The following ATP8A2 variants were observed in gnomAD, a reference collection of about 807,000 sequenced individuals.
ATP8A2 encodes phospholipid-transporting ATPase IB.
ATP8A2 carries 100 observed loss-of-function variants against 165.6 expected under a neutral mutation model. That is an observed-to-expected ratio of 0.60 (90% CI 0.51 to 0.71). ATP8A2 has a LOEUF of 0.71. ATP8A2 is among the 30% of genes least tolerant of loss of function. The pLI, the probability that ATP8A2 is intolerant of heterozygous loss-of-function variation, is 0.00. For missense variants in ATP8A2, 1,227 were observed against 1,479.5 expected, an observed-to-expected ratio of 0.83 and a Z score of 2.80; for synonymous variants, 543 against 548.8, an observed-to-expected ratio of 0.99 and a Z score of 0.15.
chr13:25,779,189 A>G (rs548120186), intron 27 of ATP8A2, among the ~76,000 whole-genome samples: 1 of 152,296 alleles, frequency 6.6e-6, no homozygotes, highest in South Asian at 2.1e-4. Flanking sequence ...ACAAAAATGT[A>G]TAAGGACAGA....
At chr13:25,399,684 G>A (rs921566112) in intron 1 of ATP8A2, among the ~76,000 whole-genome samples, 1 of 151,166 alleles carries the variant, frequency 6.6e-6, no homozygotes, top group Non-Finnish European at 1.5e-5. Flanking sequence ...TTACAGGCGT[G>A]AGCCACCGCG....
chr13:25,982,139 T>C (rs537589178), intron 35 of ATP8A2, among the ~76,000 whole-genome samples: 93 of 152,320 alleles, frequency 6.1e-4, no homozygotes, highest in African/African-American at 2.2e-3. Flanking sequence ...TGCCCAGACC[T>C]TTTGCCCTTC....
intron 27 of ATP8A2, among the ~76,000 whole-genome samples, chr13:25,806,183 G>C (rs751483223): frequency 6.6e-6 from 1 of 152,114 alleles, no homozygotes; most frequent in Non-Finnish European, 1.5e-5. Context: ...CGGGAGAACA[G>C]CTCTCAAATC....
chr13:25,672,349 C>A (rs2042284198), intron 24 of ATP8A2, among the ~76,000 whole-genome samples: 1 of 152,202 alleles, frequency 6.6e-6, no homozygotes, highest in Non-Finnish European at 1.5e-5. Flanking sequence ...TTTTTTCAGA[C>A]TGTGGCATCA....
chr13:25,657,052 C>CAAAAAAA lies in ATP8A2; in HGVS notation c.2212-42098_2212-42092dup, dbSNP rs57955107. ...TGGGTGACAGATCGAGACTCTGTCT[C>CAAAAAAA]AAAAAAAAAAAAAAAAAAAAAAAAA... On this transcript the variant is annotated intron_variant, in intron 24 of 36. Transcript: ENST00000381655. Among the ~76,000 whole-genome samples the CAAAAAAA allele has an allele frequency of 4.4e-5, 3 of 67,730 alleles. No individual in the cohort carries two copies. The East Asian group carries it at 1.6e-3, about 36-fold the overall frequency. 44.4% of individuals were successfully genotyped at this position (67,730 alleles called of 152,430 possible).
intron 24 of ATP8A2, among the ~76,000 whole-genome samples, chr13:25,657,052 C>CAAAAA (rs57955107): frequency 7.4e-5 from 5 of 67,730 alleles, no homozygotes; most frequent in East Asian, 1.1e-3. Context: ...GACTCTGTCT[C>CAAAAA]AAAAAAAAAA....
intron 27 of ATP8A2, among the ~76,000 whole-genome samples, chr13:25,789,796 G>A (rs747454671): frequency 3.3e-5 from 5 of 152,180 alleles, no homozygotes; most frequent in Non-Finnish European, 7.4e-5. Flanking sequence ...AAAGAGCGAA[G>A]CTGGATGCAT....
At chr13:25,871,076 T>C (rs1200201276) in intron 33 of ATP8A2, 2 of 236,284 alleles carry the variant, frequency 8.5e-6, no homozygotes, top group Non-Finnish European at 1.7e-5. Context: ...GGATGCTGTG[T>C]GTTAATTAGA....
intron 33 of ATP8A2, among the ~76,000 whole-genome samples, chr13:25,939,936 C>A (rs1310124642): frequency 6.6e-6 from 1 of 152,190 alleles, no homozygotes; most frequent in Non-Finnish European, 1.5e-5. Context: ...CCTTAACTCC[C>A]CTGCCCTTCT....
intron 2 of ATP8A2, among the ~76,000 whole-genome samples, chr13:25,474,291 G>A (rs2035930768): frequency 6.6e-6 from 1 of 152,250 alleles, no homozygotes; most frequent in South Asian, 2.1e-4. Flanking sequence ...GCCAGGCGCA[G>A]TGGCTCGCGC....
At chr13:25,794,466 A>G (rs1415498900) in intron 27 of ATP8A2, among the ~76,000 whole-genome samples, 1 of 152,172 alleles carries the variant, frequency 6.6e-6, no homozygotes, top group Non-Finnish European at 1.5e-5. Flanking sequence ...CACTTATTTG[A>G]CATTCTGAAA....
chr13:25,526,874 C>T (rs1437253943), intron 2 of ATP8A2, among the ~76,000 whole-genome samples: 2 of 152,184 alleles, frequency 1.3e-5, no homozygotes, highest in South Asian at 2.1e-4. Flanking sequence ...TGCCAGGGAA[C>T]TCAAGATGAT....
chr13:25,668,691 G>A (rs1332220840), intron 24 of ATP8A2, among the ~76,000 whole-genome samples: 1 of 151,998 alleles, frequency 6.6e-6, no homozygotes, highest in Non-Finnish European at 1.5e-5. Flanking sequence ...TATACCACAG[G>A]TCTCTAAGGC....
intron 27 of ATP8A2, among the ~76,000 whole-genome samples, chr13:25,819,530 A>G (rs1379435392): frequency 2.0e-5 from 3 of 151,882 alleles, no homozygotes; most frequent in Non-Finnish European, 4.4e-5. Context: ...TCCTTTGTCA[A>G]TCTCATGCTG....
chr13:25,871,765 A>T (rs541687521), intron 33 of ATP8A2, among the ~76,000 whole-genome samples: 3 of 152,162 alleles, frequency 2.0e-5, no homozygotes, highest in Non-Finnish European at 2.9e-5. Context: ...GCCAGCTGTC[A>T]TAAGTGTTGG....
rs562952711 is a variant in ATP8A2, at chr13:25,905,256, A to T, written c.3183+42848A>T. ...GGTACTTTACTTACTTAAAAAAAAA[A>T]TTTTTAAGGGATGCTTTCTAAGTGA... is the stretch of plus-strand genomic sequence containing the variant. On this transcript the variant is annotated intron_variant, in intron 33 of 36. Transcript: ENST00000381655. Among the ~76,000 whole-genome samples the T allele has an allele frequency of 7.4e-4, 112 of 152,168 alleles. 1 individual carries two copies. The highest frequency in any genetic ancestry group is 3.7e-3 in the South Asian group (18 of 4,812).
At chr13:25,470,376 A>G (rs1327694295) in intron 2 of ATP8A2, among the ~76,000 whole-genome samples, 1 of 152,272 alleles carries the variant, frequency 6.6e-6, no homozygotes, top group African/African-American at 2.4e-5. Context: ...CATCAGTCGC[A>G]GTGAGTTACC....
chr13:25,809,054 T>C (rs1950805035), intron 27 of ATP8A2, among the ~76,000 whole-genome samples: 1 of 152,186 alleles, frequency 6.6e-6, no homozygotes, highest in Admixed American at 6.5e-5. Context: ...CATCTTCAGT[T>C]GTCTGACTTG....
chr13:25,484,010 G>A (rs577635008), intron 2 of ATP8A2, among the ~76,000 whole-genome samples: 48 of 152,306 alleles, frequency 3.2e-4, no homozygotes, highest in African/African-American at 1.1e-3. Context: ...GAATCACAAG[G>A]TAGGTTTTGG....
Sources: allele counts gnomAD v4.1 joint callset (sites outside exome capture counted in the v4.1 genomes callset), GRCh38; gene constraint gnomAD v4.1.1; transcripts MANE v1.5; gene names NCBI Gene and HGNC (gene_info 2026-07-23, HGNC 2026-07-21).